Variants in PLB1 observed in about 807,000 individuals in gnomAD.
PLB1 encodes phospholipase B1.
Under a neutral mutation model 227.4 loss-of-function variants are expected in PLB1, and 242 were observed. The observed-to-expected ratio is 1.06, with a 90% CI of 0.96 to 1.18. PLB1 has a LOEUF of 1.18. Ranked by LOEUF, PLB1 falls within the 50% of genes most tolerant of loss-of-function variation. PLB1 has a pLI of 0.00. For missense variants in PLB1, 1,858 were observed against 1,816.3 expected (o/e 1.02, Z -0.42); for synonymous variants, 757 against 682.2 (o/e 1.11, Z -1.71).
chr2:28,605,750 A>C, intron 41 of PLB1, 103 bp from the exon 42 acceptor site: 1 of 842,518 alleles, frequency 1.2e-6, no homozygotes, highest in Non-Finnish European at 2.0e-6. Flanking sequence ...GGAGCACTCC[A>C]GGGGAAGGAA....
At chr2:28,589,848 G>T (rs1266443173) in intron 28 of PLB1, 78 bp downstream of exon 28, 7 of 1,453,050 alleles carry the variant, frequency 4.8e-6, no homozygotes, top group African/African-American at 1.4e-5. Context: ...GGACCTCGGA[G>T]GCCCATCGTG....
intron 11 of PLB1, among the ~76,000 whole-genome samples, 190 bp downstream of exon 11, chr2:28,539,368 G>A (rs942253369): frequency 6.6e-6 from 1 of 152,168 alleles, no homozygotes; most frequent in Non-Finnish European, 1.5e-5. Flanking sequence ...CCTCTGCCAA[G>A]CATTGTTTTG....
intron 33 of PLB1, chr2:28,594,187 G>A: frequency 2.6e-6 from 1 of 388,182 alleles, no homozygotes; most frequent in Non-Finnish European, 5.3e-6. Context: ...CATCTGCACA[G>A]AAAACCTCTG....
chr2:28,593,846 C>T lies in PLB1; in HGVS notation c.2321+92C>T, dbSNP rs184676742. The T allele has an allele frequency of 8.9e-5, 106 of 1,189,716 alleles. 1 individual carries two copies. The Middle Eastern group carries it at 1.1e-3, about 13-fold the overall frequency. The allele number at this position is 1,189,716 out of a possible 1,614,324, so 73.7% of individuals were successfully genotyped here. On this transcript the variant is annotated intron_variant, in intron 33 of 57. Coordinates refer to ENST00000327757, the MANE Select transcript of PLB1 (RefSeq NM_153021.5). Reference sequence around the variant, plus strand: ...CTGTAAATATGTAAATCCCAGAGGTCGAAGACTTGGTCTGGAAGGGGCTTT... The same window carrying T: ...CTGTAAATATGTAAATCCCAGAGGTTGAAGACTTGGTCTGGAAGGGGCTTT...
In PLB1 at chr2:28,514,536, A is replaced by G. The variant is rs1033000845; in HGVS notation, c.56-2272A>G. 3.3e-5 allele frequency among the ~76,000 whole-genome samples: 5 copies of G among 152,382 alleles called. 1 individual carries two copies. Reference sequence around the variant, plus strand: ...ATATTTTGTGATGCATGAAAATTATATGGAATTCAAACTTCAGTCACTATA... The same window carrying G: ...ATATTTTGTGATGCATGAAAATTATGTGGAATTCAAACTTCAGTCACTATA... On this transcript the variant is annotated intron_variant, in intron 1 of 57. Coordinates refer to ENST00000327757, the MANE Select transcript of PLB1 (RefSeq NM_153021.5).
intron 26 of PLB1, among the ~76,000 whole-genome samples, chr2:28,587,466 C>T (rs936510831): frequency 1.3e-5 from 2 of 152,096 alleles, no homozygotes; most frequent in Admixed American, 6.5e-5. Context: ...CAAAATTAGT[C>T]GGACGTGGTG....
intron 1 of PLB1, among the ~76,000 whole-genome samples, chr2:28,506,969 C>T (rs1400545630): frequency 6.6e-6 from 1 of 152,216 alleles, no homozygotes; most frequent in Non-Finnish European, 1.5e-5. Context: ...TGGGAGGAAA[C>T]CTTCCTGACG....
At chr2:28,533,441 G>C (rs187890310) in intron 9 of PLB1, among the ~76,000 whole-genome samples, 7 of 152,264 alleles carry the variant, frequency 4.6e-5, no homozygotes, top group Non-Finnish European at 8.8e-5. Flanking sequence ...CTTCATGAAT[G>C]TATGCATTCA....
chr2:28,529,436 G>A, intron 7 of PLB1, 29 bp downstream of exon 7: 1 of 1,525,532 alleles, frequency 6.6e-7, no homozygotes, highest in Non-Finnish European at 9.1e-7. Context: ...TCTCTCTGAG[G>A]TTATGTGTTC....
At chr2:28,630,945 G>T (rs940193653) in intron 54 of PLB1, among the ~76,000 whole-genome samples, 1 of 152,032 alleles carries the variant, frequency 6.6e-6, no homozygotes, top group Non-Finnish European at 1.5e-5. Context: ...TCCCCACCCA[G>T]AGCCATGTGT....
At position 28,525,303 on chromosome 2, in the gene PLB1, G is replaced by C; in HGVS notation, c.280G>C (p.Asp94His). 6.2e-7 allele frequency: 1 copy of C among 1,613,634 alleles called. No individual in the cohort carries two copies. Among genetic ancestry groups the C allele is most frequent in the Non-Finnish European group, 8.5e-7 (1 of 1,179,882 alleles). Residue 94 changes from aspartate to histidine, a missense_variant, in exon 5 of 58, where the codon GAC (aspartate) becomes CAC (histidine). Physicochemically the swap from Asp to His is moderately conservative, Grantham distance 81. Coordinates refer to ENST00000327757, the MANE Select transcript of PLB1 (RefSeq NM_153021.5). ...AGGGACGGGCGATCTGGAGAAGCAA[G>C]ACTGGTAACTATCCTGAAAACACAG... ...DPGTGDLEKQ[D>H]WTERPQQVCM... is the part of the protein sequence containing the mutation.
intron 1 of PLB1, 83 bp from the exon 2 acceptor site, chr2:28,516,725 T>G: frequency 8.1e-7 from 1 of 1,238,920 alleles, no homozygotes; most frequent in Non-Finnish European, 1.2e-6. Context: ...CAGATATGGC[T>G]AGGAGGAAGG....
chr2:28,591,723 C>T lies in PLB1; in HGVS notation c.2151C>T (p.Cys717=). 2 of 1,613,996 alleles carry T rather than the reference C, an allele frequency of 1.2e-6. No individual in the cohort carries two copies. Among genetic ancestry groups the T allele is most frequent in the East Asian group, 4.5e-5 (2 of 44,872 alleles). The change falls in exon 31 of 58, where the codon TGC becomes TGT. Residue 717 remains cysteine, a synonymous_variant. Coordinates refer to ENST00000327757, the MANE Select transcript of PLB1 (RefSeq NM_153021.5). ...SMQGHGTWLP[C]RDRAPSALHP... ...AGGGTCATGGGACCTGGCTGCCATG[C>T]AGGGACAGAGCCCCTTCTGCCTTGC...
intron 1 of PLB1, among the ~76,000 whole-genome samples, chr2:28,506,936 C>T (rs1387291928): frequency 6.6e-6 from 1 of 152,170 alleles, no homozygotes; most frequent in Non-Finnish European, 1.5e-5. Flanking sequence ...CCTTCCTTCA[C>T]ACCACAACTT....
At chr2:28,628,689 C>T in intron 52 of PLB1, 61 bp downstream of exon 52, 1 of 1,521,326 alleles carries the variant, frequency 6.6e-7, no homozygotes, top group Non-Finnish European at 9.1e-7. Context: ...TGCATGTAGG[C>T]AGGCTGTGTT....
intron 17 of PLB1, among the ~76,000 whole-genome samples, chr2:28,555,959 C>G (rs1366407277): frequency 6.7e-6 from 1 of 149,258 alleles, no homozygotes; most frequent in East Asian, 2.0e-4. Flanking sequence ...GCCTTGATCT[C>G]CCTGGCTCGA....
At chr2:28,549,075 C>T in intron 15 of PLB1, 144 bp downstream of exon 15, 2 of 718,198 alleles carry the variant, frequency 2.8e-6, no homozygotes, top group Non-Finnish European at 4.8e-6. Context: ...GTTTTGCATA[C>T]ATAGCAGCCC....
chr2:28,518,258 T>C (rs1447195623), intron 2 of PLB1, among the ~76,000 whole-genome samples: 1 of 152,198 alleles, frequency 6.6e-6, no homozygotes, highest in African/African-American at 2.4e-5. Context: ...TCTTGCCACC[T>C]GTTAAAGTCA....
intron 20 of PLB1, among the ~76,000 whole-genome samples, chr2:28,567,608 G>C (rs1000231538): frequency 1.3e-5 from 2 of 151,350 alleles, no homozygotes; most frequent in African/African-American, 2.4e-5. Flanking sequence ...CGAGTAGCTG[G>C]GACTACAGGC....
Sources: allele counts gnomAD v4.1 joint callset (sites outside exome capture counted in the v4.1 genomes callset), GRCh38; gene constraint gnomAD v4.1.1; transcripts MANE v1.5; gene names NCBI Gene and HGNC (gene_info 2026-07-23, HGNC 2026-07-21).